Variants in PTPRN2 observed in about 807,000 individuals in gnomAD.
The protein encoded by PTPRN2 is protein tyrosine phosphatase receptor type N2.
Under a neutral mutation model 118.8 loss-of-function variants are expected in PTPRN2, and 74 were observed. That is an observed-to-expected ratio of 0.62 (90% CI 0.52 to 0.76). The LOEUF is 0.76. Ranked by LOEUF, PTPRN2 falls within the 30% of genes least tolerant of loss-of-function variation. The pLI is 0.00. For synonymous variants in PTPRN2, 641 were observed against 608.0 expected (o/e 1.05, Z -0.80); for missense variants, 1,481 against 1,394.4 (o/e 1.06, Z -0.99).
At chr7:158,245,230 C>T (rs574211440) in intron 3 of PTPRN2, among the ~76,000 whole-genome samples, 12 of 148,066 alleles carry the variant, frequency 8.1e-5, no homozygotes, top group Non-Finnish European at 1.2e-4. Flanking sequence ...GAACCCATGG[C>T]CATGCCGGAA....
chr7:158,017,652 A>G (rs955211362), intron 11 of PTPRN2, among the ~76,000 whole-genome samples: 3 of 152,106 alleles, frequency 2.0e-5, no homozygotes, highest in Non-Finnish European at 4.4e-5. Context: ...CAGGGCTGGG[A>G]ACAGGAGGGA....
chr7:158,008,539 T>A (rs1191368894), intron 11 of PTPRN2, among the ~76,000 whole-genome samples: 1 of 152,208 alleles, frequency 6.6e-6, no homozygotes, highest in Admixed American at 6.5e-5. Flanking sequence ...CAGCTTAGCA[T>A]TTATTTCATA....
In PTPRN2 at chr7:157,883,780, C is replaced by T. The variant is rs149781181; in HGVS notation, c.1788+14893G>A. Among the ~76,000 whole-genome samples the T allele has an allele frequency of 1.3e-3, 197 of 150,674 alleles. 1 individual carries two copies. The highest frequency in any genetic ancestry group is 4.5e-3 in the African/African-American group (181 of 40,358). ...GACTGTCAGAGATCGGAACGCACCA[C>T]CCAAAAAATGACTGTCAGAGACTAG... On this transcript the variant is annotated intron_variant, in intron 12 of 22. Coordinates refer to ENST00000389418, the MANE Select transcript of PTPRN2 (RefSeq NM_002847.5).
intron 9 of PTPRN2, among the ~76,000 whole-genome samples, chr7:158,129,321 A>T (rs1219141881): frequency 6.7e-6 from 1 of 150,270 alleles, no homozygotes; most frequent in Non-Finnish European, 1.5e-5. Flanking sequence ...CACTACACAC[A>T]TACTGTACAC....
chr7:157,821,033 AGAG>A (rs1408001275), intron 12 of PTPRN2, among the ~76,000 whole-genome samples: 11 of 152,218 alleles, frequency 7.2e-5, no homozygotes, highest in African/African-American at 2.6e-4. Context: ...ATGCTGGAGG[AGAG>A]GAGGATGAGG....
At position 157,662,673 on chromosome 7, in the gene PTPRN2, C is replaced by T. The variant is rs112636122; in HGVS notation, c.2002-6122G>A. Among the ~76,000 whole-genome samples the T allele has an allele frequency of 4.9e-3, 751 of 152,210 alleles. 2 individuals are homozygous for T. The highest frequency in any genetic ancestry group is 6.2e-3 in the Admixed American group (95 of 15,278). ...GCCTGGAGGTGCGTAAGAGCTTCCA[C>T]GGGGCGAGGAAGGAGGAGGAGGAGA... On this transcript the variant is annotated intron_variant, in intron 13 of 22. Transcript: ENST00000389418.
At chr7:157,542,534 C>T (rs1263120280) in intron 22 of PTPRN2, among the ~76,000 whole-genome samples, 1 of 151,348 alleles carries the variant, frequency 6.6e-6, no homozygotes, top group Non-Finnish European at 1.5e-5. Flanking sequence ...GCAGAGCTGC[C>T]CAGCGGCCTC....
rs568698596 is a variant in PTPRN2 at position 157,609,816 on chromosome 7, G to A, written c.2345-5741C>T. Among the ~76,000 whole-genome samples the A allele has an allele frequency of 3.9e-5, 6 of 152,372 alleles. No individual in the cohort carries two copies. Among genetic ancestry groups the A allele is most frequent in the South Asian group, 2.1e-4 (1 of 4,832 alleles). On this transcript the variant is annotated intron_variant, in intron 15 of 22. Coordinates refer to ENST00000389418, the MANE Select transcript of PTPRN2 (RefSeq NM_002847.5). This position sits in a 1 kb window ranked among gnomAD's most constrained non-coding sequence, Gnocchi z 4.9. ...TGGCAAAGCGTGTTCTTGCTGCCCCGTGGTGGCAGAACATATGGAGCGATT... is the reference window on the plus strand; with the variant it reads ...TGGCAAAGCGTGTTCTTGCTGCCCCATGGTGGCAGAACATATGGAGCGATT...
chr7:157,573,420 C>T (rs1231961420), intron 19 of PTPRN2, among the ~76,000 whole-genome samples: 1 of 152,252 alleles, frequency 6.6e-6, no homozygotes, highest in Admixed American at 6.5e-5. Context: ...TGCTGTGTTT[C>T]ACACCTCGTG....
At chr7:157,759,692 G>A (rs1278273388) in intron 12 of PTPRN2, among the ~76,000 whole-genome samples, 1 of 152,238 alleles carries the variant, frequency 6.6e-6, no homozygotes, top group Non-Finnish European at 1.5e-5. Flanking sequence ...AGATCTGCAA[G>A]TTCTGGACTC....
intron 11 of PTPRN2, among the ~76,000 whole-genome samples, chr7:157,932,501 G>T (rs1477850809): frequency 1.3e-5 from 2 of 152,132 alleles, no homozygotes; most frequent in Non-Finnish European, 2.9e-5. Context: ...TAGAGTAGGG[G>T]TGACTCACTT....
At chr7:157,939,945 T>C (rs1216432441) in intron 11 of PTPRN2, among the ~76,000 whole-genome samples, 1 of 152,178 alleles carries the variant, frequency 6.6e-6, no homozygotes, top group Non-Finnish European at 1.5e-5. Flanking sequence ...AAGGTATCAC[T>C]GCACAGGCGG....
At chr7:158,075,609 T>C (rs915377406) in intron 11 of PTPRN2, among the ~76,000 whole-genome samples, 2 of 152,190 alleles carry the variant, frequency 1.3e-5, no homozygotes, top group Non-Finnish European at 2.9e-5. Context: ...CCTCCACTTC[T>C]TCATCTTTTT....
At chr7:158,476,893 T>G (rs114947473) in intron 2 of PTPRN2, among the ~76,000 whole-genome samples, 1 of 152,226 alleles carries the variant, frequency 6.6e-6, no homozygotes, top group Admixed American at 6.5e-5. Context: ...TGGGGTCACA[T>G]GCATACATCT....
intron 1 of PTPRN2, among the ~76,000 whole-genome samples, chr7:158,504,389 C>G (rs937670260): frequency 6.6e-6 from 1 of 152,172 alleles, no homozygotes; most frequent in Non-Finnish European, 1.5e-5. Flanking sequence ...GTCGTTCCCC[C>G]CCCATGTGTC....
chr7:157,975,636 C>G (rs1418945363), intron 11 of PTPRN2, among the ~76,000 whole-genome samples: 1 of 152,214 alleles, frequency 6.6e-6, no homozygotes, highest in East Asian at 1.9e-4. Context: ...AAGGATGAGG[C>G]CAGCCCTTGG....
At chr7:158,549,310 G>A (rs1826491325) in intron 1 of PTPRN2, among the ~76,000 whole-genome samples, 1 of 152,306 alleles carries the variant, frequency 6.6e-6, no homozygotes, top group African/African-American at 2.4e-5. Context: ...GGGTCTCCAC[G>A]GGGAGCTGGT....
intron 11 of PTPRN2, among the ~76,000 whole-genome samples, chr7:157,972,911 T>C (rs1180754175): frequency 6.6e-5 from 7 of 106,740 alleles, no homozygotes; most frequent in African/African-American, 1.9e-4. Context: ...CTCCACACCG[T>C]GAGAACAGGG....
At chr7:158,214,021 G>A (rs1032199694) in intron 3 of PTPRN2, among the ~76,000 whole-genome samples, 1 of 152,048 alleles carries the variant, frequency 6.6e-6, no homozygotes, top group Non-Finnish European at 1.5e-5. Context: ...AGTCTGAGAG[G>A]ACCCTGTATA....
Sources: allele counts gnomAD v4.1 joint callset (sites outside exome capture counted in the v4.1 genomes callset), GRCh38; gene constraint gnomAD v4.1.1; non-coding constraint Gnocchi (gnomAD v3.1); transcripts MANE v1.5; gene names NCBI Gene and HGNC (gene_info 2026-07-23, HGNC 2026-07-21).